SSBP3: variants seen among roughly 807,000 people sequenced by gnomAD.
The protein encoded by SSBP3 is single-stranded DNA-binding protein 3.
SSBP3 carries 5 observed loss-of-function variants against 69.6 expected under a neutral mutation model. That is an observed-to-expected ratio of 0.07 (90% confidence interval 0.04 to 0.15). The LOEUF (loss-of-function observed/expected upper bound fraction) is 0.15, where lower values mean the gene tolerates loss of function less well. SSBP3 is among the 10% of genes least tolerant of loss of function. The pLI is 1.00. For synonymous variants in SSBP3, 196 were observed against 193.4 expected (o/e 1.01, Z -0.11); for missense variants, 312 against 534.0 (o/e 0.58, Z 4.10).
chr1:54,316,558 G>A (rs1156509098), intron 4 of SSBP3, among the ~76,000 whole-genome samples: 60 of 144,764 alleles, frequency 4.1e-4, no homozygotes, highest in Non-Finnish European at 4.4e-4. Flanking sequence ...GGAGAATGGC[G>A]TGAACCCGGG....
intron 4 of SSBP3, among the ~76,000 whole-genome samples, chr1:54,290,924 A>AAC (rs965210838): frequency 2.0e-4 from 30 of 152,238 alleles, no homozygotes; most frequent in African/African-American, 6.5e-4. Context: ...CCATTAGCAA[A>AAC]ACACACACAC....
chr1:54,399,035 C>T (rs138677094), intron 4 of SSBP3, among the ~76,000 whole-genome samples: 1 of 152,320 alleles, frequency 6.6e-6, no homozygotes, highest in African/African-American at 2.4e-5. Context: ...GCACCCGCAA[C>T]AATTATGTCT....
intron 4 of SSBP3, among the ~76,000 whole-genome samples, chr1:54,289,390 G>C (rs898635072): frequency 2.0e-5 from 3 of 151,820 alleles, no homozygotes; most frequent in African/African-American, 7.3e-5. Context: ...ACAAGGTGGG[G>C]GGTGGGGTGG....
intron 4 of SSBP3, among the ~76,000 whole-genome samples, chr1:54,380,437 T>C (rs544582049): frequency 6.6e-6 from 1 of 152,334 alleles, no homozygotes; most frequent in East Asian, 1.9e-4. Context: ...CTGCGTGCAG[T>C]GACAGCTTCT....
At chr1:54,407,441 G>A (rs902119829), upstream of SSBP3, among the ~76,000 whole-genome samples, 1 of 152,060 alleles carries the variant, frequency 6.6e-6, no homozygotes, top group African/African-American at 2.4e-5. Context: ...GTGTACAATG[G>A]GAAATTGAGG....
In SSBP3 at chr1:54,295,577, G is replaced by C. The variant is rs1042324235; in HGVS notation, c.277-14050C>G. On this transcript the variant is annotated intron_variant, in intron 4 of 17. Coordinates refer to ENST00000610401, the Ensembl canonical transcript of SSBP3. ...TTGGGCTCCCTGACCAATTCAGAGA[G>C]GCAGGCAATTCACCTCTGACTTGAG... Among the ~76,000 whole-genome samples, 3 of 152,174 alleles carry C rather than the reference G, an allele frequency of 2.0e-5. No homozygotes were observed. In the East Asian group the frequency reaches 5.8e-4, roughly 29 times the overall value.
chr1:54,304,477 G>A (rs145846252), intron 4 of SSBP3, among the ~76,000 whole-genome samples: 387 of 152,356 alleles, frequency 2.5e-3, no homozygotes, highest in Non-Finnish European at 4.5e-3. Flanking sequence ...CAGCAGGAGT[G>A]AAGGGGCTCC....
At chr1:54,269,559 A>C (rs1337793013) in intron 5 of SSBP3, among the ~76,000 whole-genome samples, 1 of 152,262 alleles carries the variant, frequency 6.6e-6, no homozygotes, top group Non-Finnish European at 1.5e-5. Flanking sequence ...ATCGGAACTT[A>C]GCTAGATACG....
chr1:54,288,790 G>C (rs572330487), intron 4 of SSBP3, among the ~76,000 whole-genome samples: 1 of 152,004 alleles, frequency 6.6e-6, no homozygotes, highest in African/African-American at 2.4e-5. Context: ...AGGCCAAGGT[G>C]GGCGGATCAC....
chr1:54,278,988 C>T (rs1471641668), intron 5 of SSBP3, among the ~76,000 whole-genome samples: 1 of 152,242 alleles, frequency 6.6e-6, no homozygotes, highest in Admixed American at 6.5e-5. Context: ...ATACCCTTTC[C>T]CCTTGGCAGT....
intron 14 of SSBP3, among the ~76,000 whole-genome samples, chr1:54,235,273 G>GT (rs200538399): frequency 0.024 from 2,628 of 111,802 alleles, 211 homozygotes; most frequent in Non-Finnish European, 0.031. Context: ...AAGATGTCCA[G>GT]TTTTTTTTTT....
intron 4 of SSBP3, among the ~76,000 whole-genome samples, chr1:54,301,362 G>A (rs1054772056): frequency 6.6e-6 from 1 of 152,108 alleles, no homozygotes. Flanking sequence ...CTAACCTAAG[G>A]GGCACACTGT....
intron 4 of SSBP3, among the ~76,000 whole-genome samples, chr1:54,291,400 G>C (rs900743885): frequency 3.3e-5 from 5 of 152,160 alleles, no homozygotes; most frequent in Non-Finnish European, 5.9e-5. Context: ...TAAATGAACA[G>C]TCGGGAGCCC....
intron 4 of SSBP3, among the ~76,000 whole-genome samples, chr1:54,342,281 T>C (rs769290798): frequency 6.6e-6 from 1 of 152,230 alleles, no homozygotes; most frequent in Non-Finnish European, 1.5e-5. Context: ...CGCCCACTTG[T>C]TTCACTTCTT....
intron 4 of SSBP3, among the ~76,000 whole-genome samples, chr1:54,392,111 T>C (rs1169206729): frequency 6.6e-6 from 1 of 152,134 alleles, no homozygotes; most frequent in East Asian, 1.9e-4. Context: ...TCAACAAGCA[T>C]CTGTTGGGAT....
chr1:54,393,295 C>A (rs1648630695), intron 4 of SSBP3, among the ~76,000 whole-genome samples: 1 of 152,160 alleles, frequency 6.6e-6, no homozygotes, highest in Non-Finnish European at 1.5e-5. Context: ...ATGTGACTTG[C>A]CCCCACAATC....
chr1:54,407,287 TG>T (rs1207261028), upstream of SSBP3, among the ~76,000 whole-genome samples: 2 of 151,814 alleles, frequency 1.3e-5, no homozygotes, highest in Non-Finnish European at 2.9e-5. Context: ...CACTCGGAGA[TG>T]GGGGGCGTCA....
intron 7 of SSBP3, among the ~76,000 whole-genome samples, chr1:54,252,343 C>T (rs1374440554): frequency 1.3e-5 from 2 of 152,220 alleles, no homozygotes; most frequent in African/African-American, 2.4e-5. Flanking sequence ...AAAATCCTAT[C>T]GCTGTGGGAA....
intron 5 of SSBP3, among the ~76,000 whole-genome samples, chr1:54,275,461 G>A (rs1423758153): frequency 1.3e-5 from 2 of 152,242 alleles, no homozygotes; most frequent in African/African-American, 4.8e-5. Context: ...CGCTCCCTCT[G>A]CTGGCTCCTG....
Sources: gnomAD v4.1 joint callset for allele counts (sites outside exome capture counted in the v4.1 genomes callset) on GRCh38, gnomAD v4.1.1 for gene constraint, MANE v1.5 for transcripts, NCBI Gene and HGNC (gene_info 2026-07-23, HGNC 2026-07-21) for gene names.